The following GRAMD1B variants were observed in gnomAD, a reference collection of about 807,000 sequenced individuals.
The protein encoded by GRAMD1B is protein Aster-B.
In GRAMD1B, 37 loss-of-function variants were observed where a neutral mutation model predicts 99.7. The observed-to-expected ratio is 0.37, with a 90% CI of 0.29 to 0.49. The LOEUF is 0.49. GRAMD1B is among the 20% of genes least tolerant of loss of function. The pLI is 0.98. For missense variants in GRAMD1B, 888 were observed against 1,009.2 expected (o/e 0.88, Z 1.63); for synonymous variants, 427 against 387.6 (o/e 1.10, Z -1.19).
chr11:123,618,806 C>A lies in GRAMD1B; in HGVS notation c.2426+6C>A, dbSNP rs1029422594. ...GGTCTAAGGCTCCAAGAAAGGTAAT[C>A]CTGGCCTCGTCCCCTCACCTCCACC... On this transcript the variant is annotated splice_donor_region_variant and intron_variant, in intron 18 of 19. Transcript: ENST00000635736. 18 of 1,425,526 alleles carry A rather than the reference C, an allele frequency of 1.3e-5. No individual in the cohort carries two copies. Among genetic ancestry groups the A allele is most frequent in the Non-Finnish European group, 1.7e-5 (17 of 1,028,136 alleles). The allele number at this position is 1,425,526 out of a possible 1,614,324, so 88.3% of individuals were successfully genotyped here. A position where few individuals can be genotyped will look rare whatever the true frequency, so the allele number is the denominator to read the frequency against.
intron 2 of GRAMD1B, among the ~76,000 whole-genome samples, chr11:123,505,641 G>A (rs1940346003): frequency 2.6e-5 from 4 of 152,176 alleles, no homozygotes; most frequent in Admixed American, 2.6e-4. Flanking sequence ...GGGGCACACA[G>A]GGCTAAGTAA....
chr11:123,369,971 T>A (rs566784557), intron 1 of GRAMD1B, among the ~76,000 whole-genome samples: 1 of 151,604 alleles, frequency 6.6e-6, no homozygotes, highest in Non-Finnish European at 1.5e-5. Context: ...CAAAGATGAG[T>A]TATGCTTTCA....
chr11:123,591,253 A>G lies in GRAMD1B; in HGVS notation c.685-2829A>G. 2.5e-6 allele frequency: 1 copy of G among 396,316 alleles called. No individual in the cohort carries two copies. The allele number at this position is 396,316 out of a possible 1,614,324, so 24.5% of individuals were successfully genotyped here. A position where few individuals can be genotyped will look rare whatever the true frequency, so the allele number is the denominator to read the frequency against. ...AGCAGAAAGGACACCTGTCAGAGTC[A>G]CACAGGCCCTCTGCTGAGAAACCAG... On this transcript the variant is annotated intron_variant, in intron 4 of 19. Transcript: ENST00000635736. The surrounding 1 kb of genome is among the most constrained non-coding windows in gnomAD (Gnocchi z 4.7).
At chr11:123,398,650 GTT>G (rs542977508) in intron 1 of GRAMD1B, among the ~76,000 whole-genome samples, 3 of 152,070 alleles carry the variant, frequency 2.0e-5, no homozygotes, top group Non-Finnish European at 4.4e-5. Flanking sequence ...TCCTATTGTG[GTT>G]TTATTTACAT....
At chr11:123,478,464 T>C (rs1470938960) in intron 1 of GRAMD1B, among the ~76,000 whole-genome samples, 1 of 152,220 alleles carries the variant, frequency 6.6e-6, no homozygotes. Flanking sequence ...CCATCTGAAC[T>C]GTTTTCTAAG....
intron 19 of GRAMD1B, among the ~76,000 whole-genome samples, chr11:123,620,314 A>T (rs368850697): frequency 6.6e-6 from 1 of 152,002 alleles, no homozygotes; most frequent in African/African-American, 2.4e-5. Flanking sequence ...TCTCTACTCA[A>T]AATATAAAAA....
chr11:123,517,172 A>T (rs1941750461), intron 2 of GRAMD1B, among the ~76,000 whole-genome samples: 1 of 152,180 alleles, frequency 6.6e-6, no homozygotes, highest in African/African-American at 2.4e-5. Flanking sequence ...CACCTGTCTC[A>T]GCCTCCCAAA....
chr11:123,578,564 G>A (rs1357038715), intron 3 of GRAMD1B: 4 of 687,240 alleles, frequency 5.8e-6, no homozygotes, highest in African/African-American at 1.8e-5. Flanking sequence ...CAGAAGGGCC[G>A]GCCCCACTGT....
At chr11:123,472,985 A>G (rs2134693152) in intron 1 of GRAMD1B, among the ~76,000 whole-genome samples, 1 of 152,358 alleles carries the variant, frequency 6.6e-6, no homozygotes, top group East Asian at 1.9e-4. Flanking sequence ...GTTAGAAAAG[A>G]AAATGATTTG....
intron 7 of GRAMD1B, chr11:123,599,484 GT>G: frequency 3.4e-6 from 2 of 589,174 alleles, no homozygotes; most frequent in Non-Finnish European, 3.2e-6. Flanking sequence ...CGTTGTTGCT[GT>G]TTTTTGAGGC....
intron 11 of GRAMD1B, 51 bp from the exon 12 acceptor site, chr11:123,608,608 C>T: frequency 6.4e-7 from 1 of 1,560,246 alleles, no homozygotes; most frequent in Middle Eastern, 1.7e-4. Context: ...CCCTGGGGCC[C>T]CCTCCCCCTC....
intron 2 of GRAMD1B, among the ~76,000 whole-genome samples, chr11:123,554,317 C>T (rs1945921338): frequency 6.6e-6 from 1 of 152,042 alleles, no homozygotes; most frequent in Admixed American, 6.5e-5. Flanking sequence ...TCTTTTTGCT[C>T]ATCCATATAG....
intron 19 of GRAMD1B, 76 bp from the exon 20 acceptor site, chr11:123,622,430 G>C: frequency 2.3e-6 from 2 of 883,984 alleles, no homozygotes; most frequent in Non-Finnish European, 3.7e-6. Context: ...AGGCGGGTGT[G>C]GGGAGAGGGC....
At chr11:123,576,269 G>T (rs539194639) in intron 2 of GRAMD1B, among the ~76,000 whole-genome samples, 1 of 152,316 alleles carries the variant, frequency 6.6e-6, no homozygotes, top group Non-Finnish European at 1.5e-5. Flanking sequence ...CCTGCAGGGG[G>T]GTCCAGGGTG....
chr11:123,493,303 A>G (rs1938814619), intron 2 of GRAMD1B, among the ~76,000 whole-genome samples: 1 of 152,232 alleles, frequency 6.6e-6, no homozygotes, highest in Non-Finnish European at 1.5e-5. Flanking sequence ...AGATAAAATA[A>G]GAAAGGCACT....
At chr11:123,467,264 C>G (rs1379870873) in intron 1 of GRAMD1B, among the ~76,000 whole-genome samples, 2 of 152,082 alleles carry the variant, frequency 1.3e-5, no homozygotes, top group Non-Finnish European at 2.9e-5. Flanking sequence ...GGGAGGATTG[C>G]TTGCACCTAG....
chr11:123,536,140 C>T (rs772948145), intron 2 of GRAMD1B, among the ~76,000 whole-genome samples: 5 of 152,270 alleles, frequency 3.3e-5, no homozygotes, highest in Admixed American at 6.5e-5. Context: ...GTTGTCCAGG[C>T]GTGGTGACTC....
At chr11:123,478,485 G>T (rs1042767652) in intron 1 of GRAMD1B, among the ~76,000 whole-genome samples, 1 of 152,216 alleles carries the variant, frequency 6.6e-6, no homozygotes, top group African/African-American at 2.4e-5. Context: ...CCATGGGAAG[G>T]CAGGCCAGAG....
intron 1 of GRAMD1B, among the ~76,000 whole-genome samples, chr11:123,416,207 T>C (rs1414225677): frequency 6.6e-6 from 1 of 152,176 alleles, no homozygotes; most frequent in East Asian, 1.9e-4. Context: ...CAGTTGCTTC[T>C]CCTGTAATGA....
Sources: allele counts gnomAD v4.1 joint callset (sites outside exome capture counted in the v4.1 genomes callset), GRCh38; gene constraint gnomAD v4.1.1; non-coding constraint Gnocchi (gnomAD v3.1); transcripts MANE v1.5; gene names NCBI Gene and HGNC (gene_info 2026-07-23, HGNC 2026-07-21).